The following DCC variants were observed in gnomAD, a reference collection of about 807,000 sequenced individuals.
DCC encodes the protein netrin receptor DCC.
In DCC, 58 loss-of-function variants were observed where a neutral mutation model predicts 172.5. The ratio of observed to expected loss-of-function variants is 0.34; its 90% confidence interval spans 0.27 to 0.42. The LOEUF is 0.42. DCC is among the 10% of genes least tolerant of loss of function. The pLI is 1.00. For synonymous variants in DCC, 709 were observed against 644.5 expected, an observed-to-expected ratio of 1.10 and a Z score of -1.52; for missense variants, 1,740 against 1,791.0, an observed-to-expected ratio of 0.97 and a Z score of 0.51.
At chr18:53,450,769 T>C in intron 23 of DCC, 107 bp downstream of exon 23, 1 of 955,396 alleles carries the variant, frequency 1.0e-6, no homozygotes, top group African/African-American at 1.6e-5. Context: ...ATGTCCTTAC[T>C]TCCTAACCCT....
At chr18:53,245,968 A>G (rs1245944966) in intron 12 of DCC, among the ~76,000 whole-genome samples, 1 of 152,020 alleles carries the variant, frequency 6.6e-6, no homozygotes, top group Non-Finnish European at 1.5e-5. Flanking sequence ...GGATACCTTC[A>G]CAGGTCTGCC....
intron 26 of DCC, among the ~76,000 whole-genome samples, chr18:53,492,886 C>T (rs887889526): frequency 6.6e-6 from 1 of 152,014 alleles, no homozygotes; most frequent in Non-Finnish European, 1.5e-5. Context: ...GATGGGGTAG[C>T]GTTGAATCTA....
chr18:53,428,036 TATA>T lies in DCC; in HGVS notation c.3164-7101_3164-7099del, dbSNP rs61365028. ...TACTATAATAATATAGAATATATCA[TATA>T]ATAATATATTATAATAATGTGTCAT... On this transcript the variant is annotated intron_variant, in intron 21 of 28. Coordinates refer to ENST00000442544, the MANE Select transcript of DCC (RefSeq NM_005215.4). Among the ~76,000 whole-genome samples, 52 of 62,614 alleles carry T rather than the reference TATA, an allele frequency of 8.3e-4. 14 individuals are homozygous for T. The highest frequency in any genetic ancestry group is 1.7e-3 in the South Asian group (4 of 2,370). 41.1% of individuals were successfully genotyped at this position (62,614 alleles called of 152,430 possible).
chr18:53,028,966 A>C (rs2041992537), intron 5 of DCC, among the ~76,000 whole-genome samples: 1 of 152,180 alleles, frequency 6.6e-6, no homozygotes, highest in Admixed American at 6.6e-5. Flanking sequence ...TATAGTTTTA[A>C]GAGGGAGAAA....
intron 5 of DCC, among the ~76,000 whole-genome samples, chr18:52,967,585 T>C (rs955607590): frequency 1.3e-5 from 2 of 152,204 alleles, no homozygotes; most frequent in African/African-American, 4.8e-5. Flanking sequence ...TTTGTGTCTC[T>C]CTTTCTACAG....
chr18:53,033,568 A>C (rs1435367926), intron 5 of DCC, among the ~76,000 whole-genome samples: 1 of 152,068 alleles, frequency 6.6e-6, no homozygotes, highest in East Asian at 1.9e-4. Context: ...CAGCCTCTCT[A>C]TCAATGCACA....
intron 1 of DCC, among the ~76,000 whole-genome samples, chr18:52,421,229 A>T (rs1223651535): frequency 3.3e-5 from 5 of 152,166 alleles, no homozygotes; most frequent in Non-Finnish European, 7.4e-5. Context: ...CAAGAAGAGA[A>T]AGTGCACATG....
At chr18:52,450,175 G>T (rs1988257430) in intron 1 of DCC, among the ~76,000 whole-genome samples, 1 of 152,192 alleles carries the variant, frequency 6.6e-6, no homozygotes, top group Non-Finnish European at 1.5e-5. Context: ...TTTCAGGAAT[G>T]TTCGCCAACA....
chr18:52,654,716 G>A (rs1333808583), intron 1 of DCC, among the ~76,000 whole-genome samples: 1 of 152,038 alleles, frequency 6.6e-6, no homozygotes, highest in Non-Finnish European at 1.5e-5. Context: ...TAGGACTTCA[G>A]TATATGGATT....
At chr18:52,919,201 G>A (rs1195765574) in intron 3 of DCC, among the ~76,000 whole-genome samples, 1 of 152,136 alleles carries the variant, frequency 6.6e-6, no homozygotes, top group African/African-American at 2.4e-5. Flanking sequence ...TTGAGACCGT[G>A]GCTGCAGAGC....
intron 1 of DCC, among the ~76,000 whole-genome samples, chr18:52,563,179 A>G (rs2033079425): frequency 6.6e-6 from 1 of 152,178 alleles, no homozygotes; most frequent in African/African-American, 2.4e-5. Context: ...TTGGCTATCT[A>G]AAGCTGGGTC....
In DCC at chr18:52,340,754, C is replaced by T. The variant is rs370078332; in HGVS notation, c.-34C>T. The T allele has an allele frequency of 5.1e-6, 8 of 1,556,282 alleles. No individual in the cohort carries two copies. The highest frequency in any genetic ancestry group is 1.8e-4 in the Middle Eastern group (1 of 5,640). The stretch of plus-strand genomic sequence containing the variant: ...CATGTGTGTGAGTGCTGCCGCTGCC[C>T]GCGACCCCTGGCCCCGAAGGTGTTG... On this transcript the variant is annotated 5_prime_UTR_variant, in exon 1 of 29. Transcript: ENST00000442544.
At chr18:52,629,755 CCTGA>C (rs1225884179) in intron 1 of DCC, among the ~76,000 whole-genome samples, 1 of 151,930 alleles carries the variant, frequency 6.6e-6, no homozygotes, top group African/African-American at 2.4e-5. Flanking sequence ...TCGAGACCAT[CCTGA>C]CTAACACAGT....
At chr18:52,824,120 T>G (rs2016581) in intron 2 of DCC, among the ~76,000 whole-genome samples, 21,857 of 152,170 alleles carry the variant, frequency 0.14, 3,768 homozygotes, top group African/African-American at 0.42. Flanking sequence ...TTGACTTGAT[T>G]TATTCTCAAG....
At chr18:52,374,393 C>T (rs1598872291) in intron 1 of DCC, among the ~76,000 whole-genome samples, 1 of 152,072 alleles carries the variant, frequency 6.6e-6, no homozygotes, top group Admixed American at 6.6e-5. Flanking sequence ...AGCAGCTCCT[C>T]CAGAACAAGT....
chr18:52,683,782 C>T (rs560477543), intron 1 of DCC, among the ~76,000 whole-genome samples: 1 of 152,152 alleles, frequency 6.6e-6, no homozygotes, highest in African/African-American at 2.4e-5. Flanking sequence ...GGAACATCTC[C>T]CTATGCTCAG....
intron 24 of DCC, among the ~76,000 whole-genome samples, chr18:53,465,856 C>T (rs1221059569): frequency 6.6e-6 from 1 of 152,038 alleles, no homozygotes; most frequent in African/African-American, 2.4e-5. Flanking sequence ...TCTCCGCCTC[C>T]CAGGTTCAAA....
At chr18:53,197,067 A>G (rs2055454879) in intron 9 of DCC, among the ~76,000 whole-genome samples, 1 of 152,130 alleles carries the variant, frequency 6.6e-6, no homozygotes, top group Admixed American at 6.5e-5. Flanking sequence ...GAGAAAAAAA[A>G]TCAAAGAGGC....
chr18:52,402,335 T>C (rs1451999344), intron 1 of DCC, among the ~76,000 whole-genome samples: 2 of 152,018 alleles, frequency 1.3e-5, no homozygotes, highest in African/African-American at 2.4e-5. Context: ...TAAACAAGAA[T>C]GCATTTGAGT....
Sources: allele counts gnomAD v4.1 joint callset (sites outside exome capture counted in the v4.1 genomes callset), GRCh38; gene constraint gnomAD v4.1.1; transcripts MANE v1.5; gene names NCBI Gene and HGNC (gene_info 2026-07-23, HGNC 2026-07-21).